The following MAMDC2 variants were observed in gnomAD, a reference collection of about 807,000 sequenced individuals.
MAMDC2 encodes the protein MAM domain-containing protein 2.
A neutral mutation model predicts 89.8 loss-of-function variants in MAMDC2; 57 were observed. The ratio of observed to expected loss-of-function variants is 0.63; its 90% confidence interval spans 0.51 to 0.79. MAMDC2 has a LOEUF of 0.79. MAMDC2 is among the 30% of genes least tolerant of loss of function. MAMDC2 has a pLI of 0.00. For missense variants in MAMDC2, 800 were observed against 820.6 expected (o/e 0.97, Z 0.31); for synonymous variants, 313 against 293.4 (o/e 1.07, Z -0.68).
intron 2 of MAMDC2, among the ~76,000 whole-genome samples, chr9:70,096,350 A>T (rs927564105): frequency 1.3e-5 from 2 of 152,212 alleles, no homozygotes. Flanking sequence ...AGAAAGGCCC[A>T]GGCTAACTAA....
chr9:70,078,704 G>A (rs944541152), intron 2 of MAMDC2, among the ~76,000 whole-genome samples: 1 of 152,126 alleles, frequency 6.6e-6, no homozygotes, highest in African/African-American at 2.4e-5. Flanking sequence ...AAAGCCGGGA[G>A]TAGGATGTAA....
chr9:70,076,026 G>A (rs966189565), intron 2 of MAMDC2, among the ~76,000 whole-genome samples: 15 of 152,214 alleles, frequency 9.9e-5, no homozygotes, highest in Admixed American at 3.3e-4. Flanking sequence ...CGTTACAAAG[G>A]CTGAGTCTCA....
At chr9:70,152,800 G>T (rs2031625649) in intron 9 of MAMDC2, among the ~76,000 whole-genome samples, 1 of 152,036 alleles carries the variant, frequency 6.6e-6, no homozygotes, top group Non-Finnish European at 1.5e-5. Flanking sequence ...GTGTAAAATG[G>T]GTATACCAGG....
In MAMDC2 at chr9:70,200,108, G is replaced by C. The variant is rs1245441350; in HGVS notation, c.1652-18229G>C. On this transcript the variant is annotated intron_variant, in intron 11 of 13. Transcript: ENST00000377182. ...TTGTTGCCATTGCTTTTGGTGTTTTGGACATGAAGTCCTTGCCCATGCCTA... is the reference window on the plus strand; with the variant it reads ...TTGTTGCCATTGCTTTTGGTGTTTTCGACATGAAGTCCTTGCCCATGCCTA... Among the ~76,000 whole-genome samples, 8 of 151,564 alleles carry C rather than the reference G, an allele frequency of 5.3e-5. 1 individual carries two copies. In the East Asian group the frequency reaches 9.7e-4, roughly 18 times the overall value.
chr9:70,211,461 T>C (rs1455988895), intron 11 of MAMDC2, among the ~76,000 whole-genome samples: 2 of 152,250 alleles, frequency 1.3e-5, no homozygotes, highest in African/African-American at 2.4e-5. Context: ...TCTCTTGCCA[T>C]GGTTTTCAGC....
rs750798289 is a variant in MAMDC2 at position 70,218,459 on chromosome 9, G to A, written c.1774G>A (p.Gly592Arg). Residue 592 changes from glycine (G) to arginine (R), a missense_variant, in exon 12 of 14, where the codon GGG becomes AGG. Transcript: ENST00000377182. ...GACCTTTTTCTACCACATGTATGGA[G>A]GGGGCACTGGCCTGCTGAGTGTTTA... ...CLTFFYHMYG[G>R]GTGLLSVYLK... The A allele has an allele frequency of 3.7e-6, 6 of 1,614,194 alleles. No individual in the cohort carries two copies. The highest frequency in any genetic ancestry group is 5.1e-6 in the Non-Finnish European group (6 of 1,180,030).
At position 70,223,627 on chromosome 9, in the gene MAMDC2, T is replaced by G. The variant is rs947064328; in HGVS notation, c.1912-2123T>G. On this transcript the variant is annotated intron_variant, in intron 12 of 13. Coordinates refer to ENST00000377182, the MANE Select transcript of MAMDC2 (RefSeq NM_153267.5). ...AGTATTGAATATTGCCATGTTTCCC[T>G]TAAAATTTCAAACTATCCACAGCAC... Among the ~76,000 whole-genome samples the G allele has an allele frequency of 2.0e-5, 3 of 152,328 alleles. No homozygotes were observed. In the East Asian group the frequency reaches 5.8e-4, roughly 29 times the overall value.
chr9:70,147,777 C>T (rs867244205), intron 9 of MAMDC2, among the ~76,000 whole-genome samples: 2 of 150,360 alleles, frequency 1.3e-5, no homozygotes, highest in African/African-American at 4.9e-5. Flanking sequence ...ATGAGGGCGC[C>T]CTTGGCATTT....
At chr9:70,146,080 C>T (rs1441102631) in intron 9 of MAMDC2, among the ~76,000 whole-genome samples, 1 of 152,192 alleles carries the variant, frequency 6.6e-6, no homozygotes, top group Non-Finnish European at 1.5e-5. Flanking sequence ...CCTCCCCCGA[C>T]CCTACTTTAT....
chr9:70,158,721 T>C (rs981587698), intron 9 of MAMDC2, among the ~76,000 whole-genome samples: 2 of 151,538 alleles, frequency 1.3e-5, no homozygotes, highest in Middle Eastern at 3.2e-3. Flanking sequence ...TTAGGCAATT[T>C]TGTCCTTGTG....
rs58804811 is a variant in MAMDC2, at chr9:70,221,380, T to TAGAGAGAGAGAG, written c.1911+2801_1911+2812dup. Among the ~76,000 whole-genome samples the TAGAGAGAGAGAG allele has an allele frequency of 4.6e-3, 32 of 7,012 alleles. 1 individual carries two copies. In the South Asian group the frequency reaches 0.047, roughly 10 times the overall value. 4.6% of individuals were successfully genotyped at this position (7,012 alleles called of 152,430 possible). A position where few individuals can be genotyped will look rare whatever the true frequency, so the allele number is the denominator to read the frequency against. ...AAATATATATATATATATATATATATAGAGAGAGAGAGAGAGAGAGAGAGA... is the reference window on the plus strand; with the variant it reads ...AAATATATATATATATATATATATATAGAGAGAGAGAGAGAGAGAGAGAGAGAGAGAGAGAGA... On this transcript the variant is annotated intron_variant, in intron 12 of 13. Coordinates refer to ENST00000377182, the MANE Select transcript of MAMDC2 (RefSeq NM_153267.5).
At chr9:70,123,850 G>A (rs1204407372) in intron 5 of MAMDC2, among the ~76,000 whole-genome samples, 1 of 152,176 alleles carries the variant, frequency 6.6e-6, no homozygotes, top group African/African-American at 2.4e-5. Context: ...GAGAGGCCCA[G>A]AACAAATCCT....
In MAMDC2 at chr9:70,114,398, A is replaced by AT. The variant is rs576531552; in HGVS notation, c.643+1273dup. On this transcript the variant is annotated intron_variant, in intron 5 of 13. Transcript: ENST00000377182. ...TTCAAGATCATTAGGAAGGCAGGGG[A>AT]TTTTTTTGTGTGTGTGAAATTTCCC... Among the ~76,000 whole-genome samples the AT allele has an allele frequency of 4.0e-4, 60 of 151,340 alleles. 1 individual carries two copies. In the Middle Eastern group the frequency reaches 0.014, roughly 34 times the overall value.
At chr9:70,157,636 A>G (rs1431557312) in intron 9 of MAMDC2, 1 of 152,622 alleles carries the variant, frequency 6.6e-6, no homozygotes, top group Non-Finnish European at 1.5e-5. Flanking sequence ...TATCTATACG[A>G]TGCTCAAAGA....
At chr9:70,185,806 C>T (rs769990981) in intron 11 of MAMDC2, among the ~76,000 whole-genome samples, 2 of 152,200 alleles carry the variant, frequency 1.3e-5, no homozygotes, top group Non-Finnish European at 2.9e-5. Context: ...TGTTTCTTAG[C>T]TTGCTGGGTT....
chr9:70,103,938 C>T (rs182808059), intron 2 of MAMDC2, among the ~76,000 whole-genome samples: 12 of 151,106 alleles, frequency 7.9e-5, no homozygotes, highest in African/African-American at 2.9e-4. Flanking sequence ...GCCGAGATCA[C>T]GCCACTGCAT....
At chr9:70,185,814 G>A (rs1048637803) in intron 11 of MAMDC2, among the ~76,000 whole-genome samples, 1 of 152,178 alleles carries the variant, frequency 6.6e-6, no homozygotes, top group Non-Finnish European at 1.5e-5. Context: ...AGCTTGCTGG[G>A]TTCCATGGGA....
At chr9:70,110,535 C>T (rs1409812063) in intron 4 of MAMDC2, among the ~76,000 whole-genome samples, 1 of 152,124 alleles carries the variant, frequency 6.6e-6, no homozygotes, top group Non-Finnish European at 1.5e-5. Flanking sequence ...GGCCAGACCC[C>T]TGTGGGGAGA....
intron 2 of MAMDC2, among the ~76,000 whole-genome samples, chr9:70,058,728 CT>C (rs1475663366): frequency 6.6e-6 from 1 of 152,206 alleles, no homozygotes; most frequent in Non-Finnish European, 1.5e-5. Flanking sequence ...AGGCAAGAAA[CT>C]TTTCTACTTG....
Sources: allele counts gnomAD v4.1 joint callset (sites outside exome capture counted in the v4.1 genomes callset), GRCh38; gene constraint gnomAD v4.1.1; transcripts MANE v1.5; gene names NCBI Gene and HGNC (gene_info 2026-07-23, HGNC 2026-07-21).